The following ERBB4 variants were observed in gnomAD, a reference collection of about 807,000 sequenced individuals.
The protein encoded by ERBB4 is erb-b2 receptor tyrosine kinase 4.
A neutral mutation model predicts 158.0 loss-of-function variants in ERBB4; 42 were observed. The ratio of observed to expected loss-of-function variants is 0.27; its 90% CI spans 0.21 to 0.34. ERBB4 has a LOEUF of 0.34. ERBB4 is among the 10% of genes least tolerant of loss of function. The probability of loss-of-function intolerance (pLI) is 1.00; values close to 1 mark genes in which losing one functional copy is unlikely to be tolerated. For missense variants in ERBB4, 1,333 were observed against 1,624.1 expected (o/e 0.82, Z 3.08); for synonymous variants, 583 against 558.7 (o/e 1.04, Z -0.61).
At chr2:212,185,012 C>CTTTTTTTTCT (rs1559682580) in intron 1 of ERBB4, among the ~76,000 whole-genome samples, 12 of 139,948 alleles carry the variant, frequency 8.6e-5, no homozygotes, top group Middle Eastern at 3.6e-3. Context: ...ATCACAGTTA[C>CTTTTTTTTCT]TTTTTTTTCT....
chr2:211,486,982 T>A (rs1359819841), intron 20 of ERBB4, among the ~76,000 whole-genome samples: 2 of 147,054 alleles, frequency 1.4e-5, no homozygotes, highest in East Asian at 3.9e-4. Flanking sequence ...TTAAAATATG[T>A]TTTTTTCTTT....
At chr2:211,833,660 G>A (rs1222444845) in intron 3 of ERBB4, among the ~76,000 whole-genome samples, 1 of 151,926 alleles carries the variant, frequency 6.6e-6, no homozygotes, top group Admixed American at 6.6e-5. Context: ...GGATACTCAT[G>A]TTGGATTCTG....
intron 2 of ERBB4, among the ~76,000 whole-genome samples, chr2:211,961,178 A>G (rs907102538): frequency 1.3e-5 from 2 of 152,044 alleles, no homozygotes; most frequent in African/African-American, 4.8e-5. Flanking sequence ...AATAATAGAG[A>G]AAAAAATGAT....
chr2:211,712,866 G>C (rs1198124272), intron 8 of ERBB4, among the ~76,000 whole-genome samples: 1 of 152,018 alleles, frequency 6.6e-6, no homozygotes, highest in African/African-American at 2.4e-5. Context: ...TAAGTGTGGA[G>C]TTTGTCCTTT....
intron 1 of ERBB4, among the ~76,000 whole-genome samples, chr2:212,467,788 G>A (rs999304124): frequency 6.6e-6 from 1 of 152,190 alleles, no homozygotes; most frequent in African/African-American, 2.4e-5. Context: ...ACCCCAGAAT[G>A]GTAGATCTGC....
intron 19 of ERBB4, among the ~76,000 whole-genome samples, chr2:211,566,958 C>T (rs1031943834): frequency 6.6e-6 from 1 of 152,154 alleles, no homozygotes; most frequent in Non-Finnish European, 1.5e-5. Flanking sequence ...TAGCAAGTAC[C>T]CTTGTTAAAG....
intron 1 of ERBB4, among the ~76,000 whole-genome samples, chr2:212,422,081 G>A (rs2091804979): frequency 6.6e-6 from 1 of 152,288 alleles, no homozygotes; most frequent in African/African-American, 2.4e-5. Flanking sequence ...CCATTGAAAA[G>A]TATCCCAGAT....
intron 16 of ERBB4, among the ~76,000 whole-genome samples, chr2:211,642,245 TC>T (rs112188397): frequency 0.023 from 3,519 of 152,218 alleles, 107 homozygotes; most frequent in African/African-American, 0.069. Flanking sequence ...ATCAAGGTCA[TC>T]CAATGGTTTT....
At chr2:211,750,792 G>A (rs1000289827) in intron 4 of ERBB4, 88 bp from the exon 5 acceptor site, 5 of 1,073,840 alleles carry the variant, frequency 4.7e-6, no homozygotes, top group South Asian at 3.9e-5. Context: ...AAATACTCCT[G>A]CTCCTTTATG....
intron 3 of ERBB4, among the ~76,000 whole-genome samples, chr2:211,810,682 T>TC (rs1156596375): frequency 3.4e-5 from 5 of 148,850 alleles, no homozygotes; most frequent in African/African-American, 1.2e-4. Flanking sequence ...TTTTTTTTTT[T>TC]TGAGACGGAG....
intron 1 of ERBB4, among the ~76,000 whole-genome samples, chr2:212,205,208 T>G (rs1048628141): frequency 2.0e-5 from 3 of 152,142 alleles, no homozygotes; most frequent in Non-Finnish European, 4.4e-5. Flanking sequence ...CCACTCAGGC[T>G]GGAGTGCAGT....
At chr2:211,703,986 T>C (rs2073346290) in intron 11 of ERBB4, 118 bp downstream of exon 11, 1 of 756,924 alleles carries the variant, frequency 1.3e-6, no homozygotes, top group East Asian at 2.5e-5. Flanking sequence ...GAAATAAGGA[T>C]GGAAGCATGA....
chr2:212,241,274 A>G (rs1315112332), intron 1 of ERBB4, among the ~76,000 whole-genome samples: 1 of 150,552 alleles, frequency 6.6e-6, no homozygotes, highest in African/African-American at 2.5e-5. Context: ...AAAAAATAAA[A>G]AAATAAAAAA....
intron 15 of ERBB4, among the ~76,000 whole-genome samples, chr2:211,660,762 G>A (rs188889609): frequency 6.6e-6 from 1 of 152,318 alleles, no homozygotes; most frequent in Admixed American, 6.5e-5. Flanking sequence ...AGCAGAGGCT[G>A]AAGATGGAAA....
At chr2:212,298,739 C>T (rs899668272) in intron 1 of ERBB4, among the ~76,000 whole-genome samples, 3 of 151,628 alleles carry the variant, frequency 2.0e-5, no homozygotes, top group Non-Finnish European at 4.4e-5. Context: ...AGAGCTGCCT[C>T]CACAAGATAC....
intron 12 of ERBB4, among the ~76,000 whole-genome samples, chr2:211,684,504 A>G (rs1292784814): frequency 6.6e-6 from 1 of 152,100 alleles, no homozygotes; most frequent in Non-Finnish European, 1.5e-5. Context: ...AAAGAAACCA[A>G]GCTTGCAGGA....
At chr2:211,973,272 G>T (rs987718611) in intron 2 of ERBB4, among the ~76,000 whole-genome samples, 1 of 151,310 alleles carries the variant, frequency 6.6e-6, no homozygotes, top group Admixed American at 6.6e-5. Flanking sequence ...CGGGATCTCA[G>T]CTCACTGCAA....
rs543902706 is a variant in ERBB4 at position 211,805,581 on chromosome 2, T to A, written c.422-17422A>T. Among the ~76,000 whole-genome samples the A allele has an allele frequency of 8.5e-5, 13 of 152,362 alleles. No individual in the cohort carries two copies. In the East Asian group the frequency reaches 2.5e-3, roughly 29 times the overall value. Reference sequence around the variant, plus strand: ...GGCCTCTTCGCCAAACCATGTCATCTCTTGCCAGAAAACAGCACTGTGTCT... The same window carrying A: ...GGCCTCTTCGCCAAACCATGTCATCACTTGCCAGAAAACAGCACTGTGTCT... On this transcript the variant is annotated intron_variant, in intron 3 of 27. Coordinates refer to ENST00000342788, the MANE Select transcript of ERBB4 (RefSeq NM_005235.3).
chr2:211,440,792 G>C (rs73985441), intron 20 of ERBB4, among the ~76,000 whole-genome samples: 1,947 of 152,212 alleles, frequency 0.013, 38 homozygotes, highest in African/African-American at 0.045. Context: ...ATACTTTTAT[G>C]TAAGTGTCTT....
Sources: allele counts gnomAD v4.1 joint callset (sites outside exome capture counted in the v4.1 genomes callset), GRCh38; gene constraint gnomAD v4.1.1; transcripts MANE v1.5; gene names NCBI Gene and HGNC (gene_info 2026-07-23, HGNC 2026-07-21).